The following CNNM3 variants were observed in gnomAD, a reference collection of about 807,000 sequenced individuals.
CNNM3 encodes the protein cyclin and CBS domain divalent metal cation transport mediator 3.
A neutral mutation model predicts 57.1 loss-of-function variants in CNNM3; 47 were observed. The observed-to-expected ratio is 0.82, with a 90% CI of 0.65 to 1.05. The LOEUF (loss-of-function observed/expected upper bound fraction) is 1.05. CNNM3 is among the 50% of genes least tolerant of loss of function. The pLI, the probability that CNNM3 is intolerant of heterozygous loss-of-function variation, is 0.00. For synonymous variants in CNNM3, 507 were observed against 478.2 expected, an observed-to-expected ratio of 1.06 and a Z score of -0.79; for missense variants, 957 against 973.7, an observed-to-expected ratio of 0.98 and a Z score of 0.23.
chr2:96,817,142 C>T lies in CNNM3; in HGVS notation c.865C>T (p.Arg289Trp), dbSNP rs1159882958. The change falls in exon 1 of 8, where the codon CGG becomes TGG. Residue 289 changes from arginine (R) to tryptophan (W), a missense_variant. Transcript: ENST00000305510. ...GGCGCGGCCCGGGCGGCTGCGGGAGCGGGTGCTGGAGCTGGCGCGCGGCGG... is the reference window on the plus strand; with the variant it reads ...GGCGCGGCCCGGGCGGCTGCGGGAGTGGGTGCTGGAGCTGGCGCGCGGCGG... ...LAARPGRLRE[R>W]VLELARGGGD... The T allele has an allele frequency of 2.9e-6, 4 of 1,367,940 alleles. No individual in the cohort carries two copies. Among genetic ancestry groups the T allele is most frequent in the African/African-American group, 1.5e-5 (1 of 66,140 alleles). The allele number at this position is 1,367,940 out of a possible 1,614,324, so 84.7% of individuals were successfully genotyped here. A position where few individuals can be genotyped will look rare whatever the true frequency, so the allele number is the denominator to read the frequency against.
Position 96,816,888 on chromosome 2 carries a change from T to TGGCGCAGGC in CNNM3, c.617_625dup (p.Gln206_Ala208dup). ...GGCGCGCTGCTGCTGCTGGCCAGCCTGGCGCAGGCGGCGCTGGCGGTGCTG... is the reference window on the plus strand; with the variant it reads ...GGCGCGCTGCTGCTGCTGGCCAGCCTGGCGCAGGCGGCGCAGGCGGCGCTGGCGGTGCTG... On this transcript the variant is annotated inframe_insertion, in exon 1 of 8. Transcript: ENST00000305510. The TGGCGCAGGC allele has an allele frequency of 1.8e-6, 2 of 1,113,962 alleles. No individual in the cohort carries two copies. Among genetic ancestry groups the TGGCGCAGGC allele is most frequent in the Non-Finnish European group, 2.2e-6 (2 of 916,158 alleles). The allele number at this position is 1,113,962 out of a possible 1,614,324, so 69.0% of individuals were successfully genotyped here.
At chr2:96,836,056 A>G (rs1189198806), downstream of CNNM3, among the ~76,000 whole-genome samples, 2 of 147,900 alleles carry the variant, frequency 1.4e-5, no homozygotes, top group Non-Finnish European at 3.0e-5. Context: ...ATTGGTCTGT[A>G]GCTTATCTTT....
intron 1 of CNNM3, among the ~76,000 whole-genome samples, chr2:96,819,883 G>A (rs1453369222): frequency 2.0e-5 from 3 of 152,176 alleles, no homozygotes; most frequent in African/African-American, 4.8e-5. Flanking sequence ...CAGGATCTTC[G>A]CTGCCATGGT....
chr2:96,816,939 C>A lies in CNNM3; in HGVS notation c.662C>A (p.Ala221Glu). Residue 221 changes from alanine to glutamate, a missense_variant, in exon 1 of 8, where the codon GCG becomes GAG. Physicochemically the swap from Ala to Glu is moderately radical, Grantham distance 107 (BLOSUM62 -1). Transcript: ENST00000305510. Reference protein sequence around the residue: ...VLLYRAAGQRAVPAVLGSAGL... With the variant: ...VLLYRAAGQREVPAVLGSAGL... Reference sequence around the variant, plus strand: ...CTGTACCGCGCGGCCGGCCAGCGTGCGGTGCCCGCCGTGTTGGGCAGCGCG... The same window carrying A: ...CTGTACCGCGCGGCCGGCCAGCGTGAGGTGCCCGCCGTGTTGGGCAGCGCG... 8.1e-7 allele frequency: 1 copy of A among 1,232,612 alleles called. No homozygotes were observed. Among genetic ancestry groups the A allele is most frequent in the Non-Finnish European group, 1.0e-6 (1 of 985,708 alleles). 76.4% of individuals were successfully genotyped at this position (1,232,612 alleles called of 1,614,324 possible).
intron 1 of CNNM3, among the ~76,000 whole-genome samples, chr2:96,818,299 G>A (rs1351591497): frequency 6.6e-6 from 1 of 151,680 alleles, no homozygotes; most frequent in African/African-American, 2.4e-5. Flanking sequence ...TGACCAAGCT[G>A]GTCTTGAACT....
At chr2:96,818,918 C>G (rs992996685) in intron 1 of CNNM3, among the ~76,000 whole-genome samples, 1 of 152,208 alleles carries the variant, frequency 6.6e-6, no homozygotes, top group African/African-American at 2.4e-5. Context: ...GTTGAGAGCC[C>G]CTGGCCTGTC....
chr2:96,828,013 T>C (rs755801523), intron 4 of CNNM3, 86 bp from the exon 5 acceptor site: 1 of 1,558,320 alleles, frequency 6.4e-7, no homozygotes, highest in Non-Finnish European at 8.8e-7. Flanking sequence ...CCCAAACAAT[T>C]GAGGTGGTGG....
At chr2:96,823,451 G>T (rs1027006949) in intron 1 of CNNM3, among the ~76,000 whole-genome samples, 1 of 152,170 alleles carries the variant, frequency 6.6e-6, no homozygotes, top group African/African-American at 2.4e-5. Flanking sequence ...TGGGGCAGCC[G>T]TGGCCCATGT....
chr2:96,816,516 C>A lies in CNNM3; in HGVS notation c.239C>A (p.Ala80Asp), dbSNP rs2079319836. 1.4e-6 allele frequency: 2 copies of A among 1,395,320 alleles called. No homozygotes were observed. Among genetic ancestry groups the A allele is most frequent in the Non-Finnish European group, 9.3e-7 (1 of 1,072,820 alleles). 86.4% of individuals were successfully genotyped at this position (1,395,320 alleles called of 1,614,324 possible). Residue 80 changes from alanine (A) to aspartate (D), a missense_variant, in exon 1 of 8, where the codon GCC (alanine) becomes GAC (aspartate). Coordinates refer to ENST00000305510, the MANE Select transcript of CNNM3 (RefSeq NM_017623.5). ...GCCAACAGCTCTTGGTCCTGGGTGG[C>A]CCCGGAGGGGGCGGGCTGCCGGGAG... The part of the protein sequence containing the change: ...GFANSSWSWV[A>D]PEGAGCREEA...
Position 96,816,329 on chromosome 2 carries a change from C to T in CNNM3, c.52C>T (p.Leu18Phe), listed in dbSNP as rs2079315191. The T allele has an allele frequency of 4.7e-6, 6 of 1,288,078 alleles. No individual in the cohort carries two copies. The Admixed American group carries it at 2.0e-4, about 43-fold the overall frequency. The allele number at this position is 1,288,078 out of a possible 1,614,324, so 79.8% of individuals were successfully genotyped here. A position where few individuals can be genotyped will look rare whatever the true frequency, so the allele number is the denominator to read the frequency against. ...TCGGTTAGGCTGGTTGTTCGCCGCG[C>T]TCTGCCTGGGCAACGCCGCGGGGGA... is the stretch of plus-strand genomic sequence containing the variant. ...AGRLGWLFAA[L>F]CLGNAAGEAA... The change falls in exon 1 of 8, where the codon CTC (leucine) becomes TTC (phenylalanine). Residue 18 changes from leucine (L) to phenylalanine (F), a missense_variant. Leu to Phe is a conservative substitution (Grantham distance 22). Transcript: ENST00000305510.
Position 96,832,906 on chromosome 2 carries a change from T to G in CNNM3, c.*290T>G. 6.9e-7 allele frequency: 1 copy of G among 1,452,054 alleles called. No homozygotes were observed. Among genetic ancestry groups the G allele is most frequent in the Admixed American group, 2.1e-5 (1 of 48,250 alleles). The allele number at this position is 1,452,054 out of a possible 1,614,324, so 89.9% of individuals were successfully genotyped here. The stretch of plus-strand genomic sequence containing the variant: ...CATCTCTAGTTCCCAGGGCCCAGCC[T>G]TCCCCTTCTCCCCCGGGGCAGGGAC... On this transcript the variant is annotated 3_prime_UTR_variant, in exon 8 of 8. Coordinates refer to ENST00000305510, the MANE Select transcript of CNNM3 (RefSeq NM_017623.5).
chr2:96,819,793 A>G (rs1016737447), intron 1 of CNNM3, among the ~76,000 whole-genome samples: 1 of 152,150 alleles, frequency 6.6e-6, no homozygotes, highest in African/African-American at 2.4e-5. Flanking sequence ...GTTCAGAACT[A>G]AAGGCAACTT....
rs1308800018 is a variant in CNNM3, at chr2:96,826,758, G to A, written c.1370-75G>A. On this transcript the variant is annotated intron_variant, in intron 2 of 7. Coordinates refer to ENST00000305510, the MANE Select transcript of CNNM3 (RefSeq NM_017623.5). ...CTGGCCTCAGGAGGAAGGAGCAGGCGATGCAGCCCCTTAGTGTGGTCGTGT... is the reference window on the plus strand; with the variant it reads ...CTGGCCTCAGGAGGAAGGAGCAGGCAATGCAGCCCCTTAGTGTGGTCGTGT... 1.5e-5 allele frequency: 24 copies of A among 1,550,310 alleles called. No individual in the cohort carries two copies. The South Asian group carries it at 1.6e-4, about 10-fold the overall frequency.
At chr2:96,832,510 T>C (rs747228763) in intron 7 of CNNM3, 42 bp from the exon 8 acceptor site, 3 of 1,613,384 alleles carry the variant, frequency 1.9e-6, no homozygotes, top group South Asian at 2.2e-5. Flanking sequence ...CAGGATACTT[T>C]ACCAGCTTTG....
At chr2:96,831,857 A>T (rs1310116697) in intron 7 of CNNM3, 4 of 450,714 alleles carry the variant, frequency 8.9e-6, no homozygotes, top group African/African-American at 6.4e-5. Flanking sequence ...GCTCTCCCTC[A>T]GCTTCCCCTG....
chr2:96,828,840 G>T, intron 6 of CNNM3, 140 bp downstream of exon 6: 1 of 1,477,596 alleles, frequency 6.8e-7, no homozygotes. Context: ...CAGTTTCCAA[G>T]CAAGGTCTTA....
At position 96,817,284 on chromosome 2, in the gene CNNM3, G is replaced by A. The variant is rs763574789; in HGVS notation, c.1007G>A (p.Gly336Asp). ...GACGCCAGCACCGTGCTGGACTTCG[G>A]CGTCCTGGCCAGCATCATGCAGAGC... ...MLDASTVLDF[G>D]VLASIMQSGH... The change falls in exon 1 of 8, where the codon GGC becomes GAC. Residue 336 changes from glycine to aspartate, a missense_variant. Gly to Asp is a moderately conservative substitution (Grantham distance 94). Around this residue, in one of 2 missense-constraint regions of CNNM3, gnomAD observed 491 missense variants for 570.6 expected, o/e 0.86. Coordinates refer to ENST00000305510, the MANE Select transcript of CNNM3 (RefSeq NM_017623.5). 16 of 1,613,158 alleles carry A rather than the reference G, an allele frequency of 9.9e-6. No individual in the cohort carries two copies. The highest frequency in any genetic ancestry group is 1.3e-5 in the African/African-American group (1 of 74,946).
intron 2 of CNNM3, among the ~76,000 whole-genome samples, chr2:96,825,537 T>G (rs1045960016): frequency 6.6e-6 from 1 of 152,188 alleles, no homozygotes; most frequent in Non-Finnish European, 1.5e-5. Context: ...TCTCCCTAGG[T>G]GCTTTTGTTT....
chr2:96,821,669 A>G (rs1432775309), intron 1 of CNNM3, among the ~76,000 whole-genome samples: 1 of 152,228 alleles, frequency 6.6e-6, no homozygotes, highest in East Asian at 1.9e-4. Flanking sequence ...TTGTAAGTTG[A>G]AAATACCTTA....
Sources: gnomAD v4.1 joint callset for allele counts (sites outside exome capture counted in the v4.1 genomes callset) on GRCh38, gnomAD v4.1.1 for gene constraint, gnomAD v4.1.1 regional missense constraint, MANE v1.5 for transcripts, NCBI Gene and HGNC (gene_info 2026-07-23, HGNC 2026-07-21) for gene names.